The following VAT1L variants were observed in gnomAD, a reference collection of about 807,000 sequenced individuals.
VAT1L encodes the protein vesicle amine transport 1 like, also known as putative NADPH-dependent quinone oxidoreductase VAT1L.
VAT1L carries 34 observed loss-of-function variants against 44.1 expected under a neutral mutation model. That is an observed-to-expected ratio of 0.77 (90% CI 0.59 to 1.03). The LOEUF (loss-of-function observed/expected upper bound fraction) is 1.03, where lower values mean the gene tolerates loss of function less well. Among genes scored for constraint, VAT1L ranks in the 50% least tolerant of loss-of-function variants. The pLI, the probability that VAT1L is intolerant of heterozygous loss-of-function variation, is 0.00. For synonymous variants in VAT1L, 253 were observed against 202.2 expected (o/e 1.25, Z -2.13); for missense variants, 615 against 538.8 (o/e 1.14, Z -1.40).
chr16:77,856,861 G>A (rs1260233287), intron 3 of VAT1L, among the ~76,000 whole-genome samples: 1 of 152,216 alleles, frequency 6.6e-6, no homozygotes, highest in African/African-American at 2.4e-5. Context: ...TGGCCTTGGA[G>A]TCACGGATAC....
intron 1 of VAT1L, among the ~76,000 whole-genome samples, chr16:77,804,335 G>C (rs545753684): frequency 1.3e-5 from 2 of 152,308 alleles, no homozygotes; most frequent in African/African-American, 2.4e-5. Flanking sequence ...AGTCAAAAGA[G>C]TTAGTCTCAG....
At chr16:77,792,314 G>C (rs1371370131) in intron 1 of VAT1L, among the ~76,000 whole-genome samples, 1 of 152,144 alleles carries the variant, frequency 6.6e-6, no homozygotes, top group Non-Finnish European at 1.5e-5. Context: ...GATTAAGAGA[G>C]CTTCCTAGAC....
intron 7 of VAT1L, among the ~76,000 whole-genome samples, chr16:77,957,113 A>C (rs2018112346): frequency 6.6e-6 from 1 of 152,176 alleles, no homozygotes; most frequent in Non-Finnish European, 1.5e-5. Flanking sequence ...GTACTTTCCC[A>C]AATGCTATTA....
chr16:77,807,593 G>C (rs753123147), intron 1 of VAT1L, among the ~76,000 whole-genome samples: 9 of 152,070 alleles, frequency 5.9e-5, no homozygotes, highest in Non-Finnish European at 1.3e-4. Flanking sequence ...CTCCCTATCA[G>C]ACCTCTTGCT....
At chr16:77,889,149 A>T (rs1238493595) in intron 7 of VAT1L, among the ~76,000 whole-genome samples, 1 of 152,180 alleles carries the variant, frequency 6.6e-6, no homozygotes, top group Non-Finnish European at 1.5e-5. Flanking sequence ...TTGCTTCTCA[A>T]TCCAGCTCTA....
chr16:77,844,850 G>C (rs939007945), intron 3 of VAT1L, among the ~76,000 whole-genome samples: 1 of 141,870 alleles, frequency 7.0e-6, no homozygotes, highest in African/African-American at 2.6e-5. Context: ...AAATACGTGT[G>C]TGTGCATGTG....
At chr16:77,959,280 G>A (rs1231168491) in intron 7 of VAT1L, among the ~76,000 whole-genome samples, 1 of 152,182 alleles carries the variant, frequency 6.6e-6, no homozygotes, top group East Asian at 1.9e-4. Flanking sequence ...TCTTCCATCT[G>A]GGTCAGAATC....
At chr16:77,889,812 C>T (rs564452298) in intron 7 of VAT1L, among the ~76,000 whole-genome samples, 9 of 152,302 alleles carry the variant, frequency 5.9e-5, no homozygotes, top group African/African-American at 1.7e-4. Flanking sequence ...GTTAGCCAGG[C>T]GCAGTGGCTT....
At chr16:77,806,534 C>CG (rs2016163005) in intron 1 of VAT1L, among the ~76,000 whole-genome samples, 2 of 150,812 alleles carry the variant, frequency 1.3e-5, no homozygotes, top group Non-Finnish European at 3.0e-5. Flanking sequence ...TTAGTAGAGA[C>CG]AGGTTTCACC....
intron 3 of VAT1L, among the ~76,000 whole-genome samples, chr16:77,858,916 A>C (rs2016887720): frequency 6.6e-6 from 1 of 152,064 alleles, no homozygotes; most frequent in Non-Finnish European, 1.5e-5. Context: ...CGGGCGGGTC[A>C]CCTGAGGTCA....
At chr16:77,866,468 C>T (rs2016975491) in intron 4 of VAT1L, among the ~76,000 whole-genome samples, 1 of 151,846 alleles carries the variant, frequency 6.6e-6, no homozygotes, top group Non-Finnish European at 1.5e-5. Flanking sequence ...CAGCTTTGTA[C>T]AAATTCTCGG....
chr16:77,957,666 A>C lies in VAT1L; in HGVS notation c.1078-14184A>C, dbSNP rs566388586. Among the ~76,000 whole-genome samples, 5 of 152,028 alleles carry C rather than the reference A, an allele frequency of 3.3e-5. No homozygotes were observed. In the South Asian group the frequency reaches 1.0e-3, roughly 32 times the overall value. ...CTTGAACCCGGGAGGCGGAGGTTGC[A>C]GTGAGCTGAGATCGGGCCACTGCAG... On this transcript the variant is annotated intron_variant, in intron 7 of 8. Transcript: ENST00000302536.
intron 4 of VAT1L, among the ~76,000 whole-genome samples, chr16:77,874,252 C>G (rs898908269): frequency 2.0e-5 from 3 of 152,106 alleles, no homozygotes; most frequent in Non-Finnish European, 4.4e-5. Context: ...ACTGAGATGA[C>G]TTGATGGCTC....
At chr16:77,968,440 C>T (rs909361632) in intron 7 of VAT1L, among the ~76,000 whole-genome samples, 7 of 152,290 alleles carry the variant, frequency 4.6e-5, no homozygotes, top group East Asian at 1.9e-4. Flanking sequence ...AAAAAAAGAG[C>T]ATGGGCTGGG....
intron 3 of VAT1L, among the ~76,000 whole-genome samples, chr16:77,826,885 G>T (rs1391813780): frequency 6.6e-6 from 1 of 152,100 alleles, no homozygotes; most frequent in Non-Finnish European, 1.5e-5. Context: ...TAAACTCTTA[G>T]GATTTGGTGT....
intron 4 of VAT1L, among the ~76,000 whole-genome samples, chr16:77,866,558 C>G (rs1453036254): frequency 6.6e-6 from 1 of 150,448 alleles, no homozygotes; most frequent in African/African-American, 2.5e-5. Context: ...AGAGTGATTT[C>G]TCTTTATTTT....
At chr16:77,927,383 T>C (rs1429603113) in intron 7 of VAT1L, among the ~76,000 whole-genome samples, 1 of 149,306 alleles carries the variant, frequency 6.7e-6, no homozygotes, top group African/African-American at 2.5e-5. Flanking sequence ...ATATAGTGAG[T>C]ACTACTGTTG....
intron 1 of VAT1L, among the ~76,000 whole-genome samples, chr16:77,804,006 C>G (rs2016111844): frequency 6.6e-6 from 1 of 152,138 alleles, no homozygotes; most frequent in African/African-American, 2.4e-5. Context: ...TCTTGTACAG[C>G]CTCCTCTTAT....
chr16:77,872,827 G>A (rs1217276123), intron 4 of VAT1L, among the ~76,000 whole-genome samples: 1 of 152,198 alleles, frequency 6.6e-6, no homozygotes, highest in Admixed American at 6.5e-5. Context: ...TGCCTTCTCT[G>A]TGTATTCACA....
Sources: gnomAD v4.1 joint callset for allele counts (sites outside exome capture counted in the v4.1 genomes callset) on GRCh38, gnomAD v4.1.1 for gene constraint, MANE v1.5 for transcripts, NCBI Gene and HGNC (gene_info 2026-07-23, HGNC 2026-07-21) for gene names.